Variants in PPIG observed in about 807,000 individuals in gnomAD.
PPIG encodes the protein peptidyl-prolyl cis-trans isomerase G.
Under a neutral mutation model 87.9 loss-of-function variants are expected in PPIG, and 26 were observed. The ratio of observed to expected loss-of-function variants is 0.30; its 90% CI spans 0.22 to 0.41. The LOEUF is 0.41. Among genes scored for constraint, PPIG ranks in the 10% least tolerant of loss-of-function variants. The probability of loss-of-function intolerance (pLI) is 1.00; values close to 1 mark genes in which losing one functional copy is unlikely to be tolerated. For synonymous variants in PPIG, 308 were observed against 276.5 expected (o/e 1.11, Z -1.13); for missense variants, 722 against 879.4 (o/e 0.82, Z 2.26).
chr2:169,592,815 T>G (rs1684905577), intron 1 of PPIG, among the ~76,000 whole-genome samples: 1 of 152,190 alleles, frequency 6.6e-6, no homozygotes, highest in African/African-American at 2.4e-5. Context: ...AATTAGTAAC[T>G]TTTTATAATG....
intron 5 of PPIG, among the ~76,000 whole-genome samples, chr2:169,606,369 G>C (rs1230134772): frequency 6.6e-6 from 1 of 151,832 alleles, no homozygotes; most frequent in Admixed American, 6.6e-5. Flanking sequence ...CGAGGTGGGC[G>C]GATCACGAGG....
At chr2:169,624,912 C>G (rs942404124) in intron 9 of PPIG, among the ~76,000 whole-genome samples, 1 of 152,022 alleles carries the variant, frequency 6.6e-6, no homozygotes, top group Non-Finnish European at 1.5e-5. Flanking sequence ...TTTGAAGAGT[C>G]AGCTGAAAAC....
chr2:169,585,279 T>TTTTTTTTTTTTTTG (rs71006004), intron 1 of PPIG, among the ~76,000 whole-genome samples: 1 of 149,468 alleles, frequency 6.7e-6, no homozygotes, highest in African/African-American at 2.5e-5. Context: ...TCTTTTTTTT[T>TTTTTTTTTTTTTTG]GAGACGGAGT....
At chr2:169,626,023 A>C (rs1685870803) in intron 9 of PPIG, among the ~76,000 whole-genome samples, 1 of 152,182 alleles carries the variant, frequency 6.6e-6, no homozygotes, top group Non-Finnish European at 1.5e-5. Context: ...CCTGGTTCCT[A>C]ACAGGCCACG....
chr2:169,606,896 G>A lies in PPIG; in HGVS notation c.245-208G>A, dbSNP rs533668642. ...TTTAAAATATATTTTAATAGTCTTC[G>A]TCACATTCTTGCTATCATAGCATAG... On this transcript the variant is annotated intron_variant, in intron 5 of 13. Transcript: ENST00000260970. Among the ~76,000 whole-genome samples the A allele has an allele frequency of 4.4e-3, 674 of 152,076 alleles. 2 individuals are homozygous for A. Among genetic ancestry groups the A allele is most frequent in the South Asian group, 0.024 (116 of 4,820 alleles).
At chr2:169,624,203 C>T (rs1007979560) in intron 9 of PPIG, among the ~76,000 whole-genome samples, 8 of 152,048 alleles carry the variant, frequency 5.3e-5, no homozygotes, top group Admixed American at 1.3e-4. Context: ...CTGGTTCAAG[C>T]GATCCTTCTA....
intron 9 of PPIG, among the ~76,000 whole-genome samples, chr2:169,621,522 CTT>C (rs1422156398): frequency 2.6e-5 from 4 of 151,886 alleles, no homozygotes; most frequent in African/African-American, 9.7e-5. Context: ...TGTTGAGAAT[CTT>C]TGAGTAATAT....
At chr2:169,608,406 G>T (rs563241017) in intron 6 of PPIG, among the ~76,000 whole-genome samples, 3 of 151,818 alleles carry the variant, frequency 2.0e-5, no homozygotes, top group Non-Finnish European at 1.5e-5. Context: ...GGAGAATGGC[G>T]TGAACCCAGG....
chr2:169,612,044 T>C (rs1046824462), intron 7 of PPIG, among the ~76,000 whole-genome samples: 16 of 151,846 alleles, frequency 1.1e-4, no homozygotes, highest in Non-Finnish European at 4.4e-5. Context: ...GGCACAATCA[T>C]AGCTCACTGC....
At chr2:169,634,697 A>G (rs1686139811) in intron 12 of PPIG, among the ~76,000 whole-genome samples, 1 of 152,156 alleles carries the variant, frequency 6.6e-6, no homozygotes, top group Admixed American at 6.5e-5. Context: ...AACTATGGTA[A>G]GATACATGAA....
At chr2:169,607,295 AAAAAT>A in intron 6 of PPIG, 147 bp downstream of exon 6, 1 of 511,234 alleles carries the variant, frequency 2.0e-6, no homozygotes, top group Non-Finnish European at 3.3e-6. Context: ...TTCTGGTAAA[AAAAAT>A]TGCTTTTTAT....
At chr2:169,619,756 T>G (rs545081505) in intron 9 of PPIG, among the ~76,000 whole-genome samples, 2 of 152,288 alleles carry the variant, frequency 1.3e-5, no homozygotes, top group South Asian at 4.1e-4. Flanking sequence ...GTTTTCTTTT[T>G]TTTTTATAAT....
intron 9 of PPIG, among the ~76,000 whole-genome samples, chr2:169,629,383 G>A (rs992585729): frequency 5.3e-5 from 8 of 152,128 alleles, no homozygotes; most frequent in Non-Finnish European, 1.2e-4. Context: ...TAAAAATCCT[G>A]ACAGTGTTCA....
intron 9 of PPIG, among the ~76,000 whole-genome samples, chr2:169,622,598 A>G (rs566344759): frequency 1.3e-4 from 20 of 152,256 alleles, no homozygotes; most frequent in African/African-American, 4.8e-4. Context: ...CTTTATTAAT[A>G]TGTATCTGCC....
intron 9 of PPIG, among the ~76,000 whole-genome samples, chr2:169,623,514 G>A (rs1221177781): frequency 2.6e-5 from 4 of 152,136 alleles, no homozygotes; most frequent in East Asian, 1.9e-4. Flanking sequence ...GCAACATGGC[G>A]GTAAGTAGTT....
At chr2:169,623,786 C>T (rs1056355024) in intron 9 of PPIG, among the ~76,000 whole-genome samples, 1 of 152,076 alleles carries the variant, frequency 6.6e-6, no homozygotes, top group African/African-American at 2.4e-5. Flanking sequence ...GTCTAAAGAC[C>T]ATTTTAGGAA....
chr2:169,637,191 A>C lies in PPIG; in HGVS notation c.1933A>C (p.Arg645=), dbSNP rs1439681215. The C allele has an allele frequency of 6.2e-7, 1 of 1,613,450 alleles. No homozygotes were observed. Among genetic ancestry groups the C allele is most frequent in the East Asian group, 2.2e-5 (1 of 44,860 alleles). Reference sequence around the variant, plus strand: ...TCAAAGCAGAAACAAAGACAAATACAGAAACCAAGAGAGTAAGAGCTCACA... The same window carrying C: ...TCAAAGCAGAAACAAAGACAAATACCGAAACCAAGAGAGTAAGAGCTCACA... ...ESQSRNKDKY[R]NQESKSSHRK... is the part of the protein sequence containing the mutation. The change falls in exon 14 of 14, where the codon AGA becomes CGA. Residue 645 remains arginine, a synonymous_variant. Transcript: ENST00000260970.
At chr2:169,600,968 C>G (rs1685164733) in intron 1 of PPIG, among the ~76,000 whole-genome samples, 1 of 152,136 alleles carries the variant, frequency 6.6e-6, no homozygotes. Flanking sequence ...CCAATGACTT[C>G]CATTCCTAGA....
At position 169,637,608 on chromosome 2, in the gene PPIG, T is replaced by C; in HGVS notation, c.*85T>C. ...ATGAATCTCCTTTATGTTGTTTTCC[T>C]TTTCATTGTTTTTGGATTGTTTTAT... On this transcript the variant is annotated 3_prime_UTR_variant, in exon 14 of 14. Coordinates refer to ENST00000260970, the MANE Select transcript of PPIG (RefSeq NM_004792.3). The C allele has an allele frequency of 7.7e-7, 1 of 1,302,656 alleles. No homozygotes were observed. The highest frequency in any genetic ancestry group is 1.5e-5 in the African/African-American group (1 of 66,786). 80.7% of individuals were successfully genotyped at this position (1,302,656 alleles called of 1,614,324 possible).
Sources: gnomAD v4.1 joint callset for allele counts (sites outside exome capture counted in the v4.1 genomes callset) on GRCh38, gnomAD v4.1.1 for gene constraint, MANE v1.5 for transcripts, NCBI Gene and HGNC (gene_info 2026-07-23, HGNC 2026-07-21) for gene names.